USP9X: variants seen among roughly 807,000 people sequenced by gnomAD.
USP9X encodes the protein ubiquitin specific peptidase 9 X-linked.
In USP9X, 7 loss-of-function variants were observed where a neutral mutation model predicts 190.3. That is an observed-to-expected ratio of 0.04 (90% confidence interval 0.02 to 0.07). USP9X has a LOEUF of 0.07. USP9X is among the 10% of genes least tolerant of loss of function. The pLI is 1.00. For missense variants in USP9X, 1,010 were observed against 1,916.9 expected (o/e 0.53, Z 8.83); for synonymous variants, 645 against 659.5 (o/e 0.98, Z 0.34).
At chrX:41,231,025 A>G (rs1056663624) in intron 44 of USP9X, among the ~76,000 whole-genome samples, 4 of 112,080 alleles carry the variant, frequency 3.6e-5, no homozygotes, top group Admixed American at 1.9e-4. Flanking sequence ...ACTGGAAAAA[A>G]AAGGATTTGG....
intron 16 of USP9X, chrX:41,167,037 G>C (rs945202197): frequency 8.3e-5 from 10 of 120,981 alleles, no homozygotes; most frequent in Admixed American, 2.8e-4. Context: ...AAGTCCCCTA[G>C]GGTTCTGAAC....
At chrX:41,199,564 G>A (rs1301432454) in intron 30 of USP9X, among the ~76,000 whole-genome samples, 1 of 110,626 alleles carries the variant, frequency 9.0e-6, no homozygotes, top group African/African-American at 3.3e-5. Context: ...CACCATGCCT[G>A]GCTAATTTTG....
At chrX:41,142,179 C>T (rs1051135460) in intron 9 of USP9X, among the ~76,000 whole-genome samples, 11 of 111,343 alleles carry the variant, frequency 9.9e-5, no homozygotes, top group African/African-American at 2.9e-4. Flanking sequence ...TGGTTTCATA[C>T]ATATGATGTA....
At chrX:41,213,117 A>T (rs1478506721) in intron 33 of USP9X, among the ~76,000 whole-genome samples, 1 of 111,277 alleles carries the variant, frequency 9.0e-6, no homozygotes, top group Non-Finnish European at 1.9e-5. Flanking sequence ...CTTATACCTG[A>T]TCAACAGCTA....
intron 1 of USP9X, among the ~76,000 whole-genome samples, chrX:41,121,098 T>A (rs1392527060): frequency 3.7e-5 from 4 of 108,409 alleles, no homozygotes; most frequent in African/African-American, 1.4e-4. Context: ...TTCGCTTGCC[T>A]TTGGCCTCCC....
chrX:41,120,063 G>A (rs1052852280), intron 1 of USP9X, among the ~76,000 whole-genome samples: 1 of 111,411 alleles, frequency 9.0e-6, no homozygotes, highest in African/African-American at 3.3e-5. Context: ...AGACTCACCA[G>A]TACTTGATAG....
In USP9X at chrX:41,232,455, T is replaced by C; in HGVS notation, c.7596T>C (p.Thr2532=). 8.3e-7 allele frequency: 1 copy of C among 1,211,401 alleles called. No homozygotes were observed. The highest frequency in any genetic ancestry group is 1.1e-6 in the Non-Finnish European group (1 of 895,378). ...AAHHMNNPQR[T]GQRAQENYEG... ...ATCACATGAACAACCCTCAGAGAACTGGCCAACGAGCACAAGAAAATTATG... is the reference window on the plus strand; with the variant it reads ...ATCACATGAACAACCCTCAGAGAACCGGCCAACGAGCACAAGAAAATTATG... Residue 2532 remains threonine (T), a synonymous_variant, in exon 45 of 45, where the codon ACT becomes ACC. Coordinates refer to ENST00000378308, the MANE Select transcript of USP9X (RefSeq NM_001039591.3).
chrX:41,168,618 A>G (rs754125086), intron 18 of USP9X, among the ~76,000 whole-genome samples: 1 of 112,265 alleles, frequency 8.9e-6, no homozygotes, highest in East Asian at 2.8e-4. Flanking sequence ...TCAGCCTCCC[A>G]GGTAGCTGGG....
chrX:41,100,082 A>G (rs180716204), intron 1 of USP9X, among the ~76,000 whole-genome samples: 2 of 111,894 alleles, frequency 1.8e-5, no homozygotes, highest in South Asian at 3.7e-4. Flanking sequence ...TTCATCTTAC[A>G]TATTTCAGTA....
intron 2 of USP9X, among the ~76,000 whole-genome samples, chrX:41,125,684 A>ACACACACACACACACACCCTCTCT: frequency 5.3e-5 from 1 of 19,027 alleles, no homozygotes; most frequent in Non-Finnish European, 9.0e-5. Flanking sequence ...ACACACACAC[A>ACACACACACACACACACCCTCTCT]CTCTCTCTCT....
At chrX:41,089,005 C>G (rs181284050) in intron 1 of USP9X, among the ~76,000 whole-genome samples, 76 of 111,901 alleles carry the variant, frequency 6.8e-4, no homozygotes, top group Non-Finnish European at 9.4e-5. Flanking sequence ...GGTTCCACCC[C>G]CAGAGACTGA....
chrX:41,093,709 C>A (rs1251448467), intron 1 of USP9X, among the ~76,000 whole-genome samples: 3 of 112,209 alleles, frequency 2.7e-5, no homozygotes, highest in African/African-American at 6.5e-5. Context: ...TTAAACCTTA[C>A]TGGATTAGGT....
chrX:41,125,670 ACACACACACACACACTCTCTCTCTCTCT>A (rs1394561706), intron 2 of USP9X, among the ~76,000 whole-genome samples: 7 of 58,886 alleles, frequency 1.2e-4, no homozygotes, highest in East Asian at 6.0e-4. Flanking sequence ...ACACACACAC[ACACACACACACACACTCTCTCTCTCTCT>A]CTCTCTCTCT....
intron 38 of USP9X, among the ~76,000 whole-genome samples, chrX:41,222,201 G>A (rs985838592): frequency 1.8e-5 from 2 of 112,091 alleles, no homozygotes; most frequent in African/African-American, 3.2e-5. Flanking sequence ...CATTAAAGCC[G>A]TGAGCGTGGG....
intron 41 of USP9X, 156 bp from the exon 42 acceptor site, chrX:41,229,096 AT>A (rs1287660939): frequency 5.2e-6 from 2 of 386,156 alleles, no homozygotes; most frequent in Non-Finnish European, 8.3e-6. Flanking sequence ...CTCAAAAAAA[AT>A]AAATAAATAA....
chrX:41,193,068 C>T (rs2062951394), intron 26 of USP9X, among the ~76,000 whole-genome samples: 1 of 110,754 alleles, frequency 9.0e-6, no homozygotes, highest in African/African-American at 3.3e-5. Flanking sequence ...TGTGTATGTC[C>T]AGGCATGTCA....
chrX:41,125,718 T>TCTCGCGTG (rs1176200100), intron 2 of USP9X, among the ~76,000 whole-genome samples: 1 of 99,196 alleles, frequency 1.0e-5, no homozygotes, highest in African/African-American at 4.1e-5. Flanking sequence ...TCTCTCTCTC[T>TCTCGCGTG]CGCGCACGCG....
At chrX:41,094,801 G>T (rs1040718439) in intron 1 of USP9X, among the ~76,000 whole-genome samples, 4 of 109,557 alleles carry the variant, frequency 3.7e-5, no homozygotes, top group Non-Finnish European at 7.6e-5. Flanking sequence ...CACTTTGGGA[G>T]GCTGAGGCGG....
Position 41,186,126 on chromosome X carries a change from T to C in USP9X, c.3559-391T>C, listed in dbSNP as rs767568874. On this transcript the variant is annotated intron_variant, in intron 23 of 44. Transcript: ENST00000378308. ...TATTCCTTAATTTTTCTTTTTTTTT[T>C]CCAAAGAAAAATGTGGTAACAATGG... is the stretch of plus-strand genomic sequence containing the variant. Among the ~76,000 whole-genome samples, 16 of 111,031 alleles carry C rather than the reference T, an allele frequency of 1.4e-4. 1 individual carries two copies. The highest frequency in any genetic ancestry group is 8.4e-4 in the East Asian group (3 of 3,569).
Sources: gnomAD v4.1 joint callset for allele counts (sites outside exome capture counted in the v4.1 genomes callset) on GRCh38, gnomAD v4.1.1 for gene constraint, MANE v1.5 for transcripts, NCBI Gene and HGNC (gene_info 2026-07-23, HGNC 2026-07-21) for gene names.